The following MPHOSPH9 variants were observed in gnomAD, a reference collection of about 807,000 sequenced individuals.
The protein encoded by MPHOSPH9 is M-phase phosphoprotein 9.
A neutral mutation model predicts 145.5 loss-of-function variants in MPHOSPH9; 88 were observed. That is an observed-to-expected ratio of 0.60 (90% CI 0.51 to 0.72). The LOEUF (loss-of-function observed/expected upper bound fraction) is 0.72. Among genes scored for constraint, MPHOSPH9 ranks in the 30% least tolerant of loss-of-function variants. The pLI, the probability that MPHOSPH9 is intolerant of heterozygous loss-of-function variation, is 0.00. For synonymous variants in MPHOSPH9, 435 were observed against 486.2 expected, an observed-to-expected ratio of 0.89 and a Z score of 1.39; for missense variants, 1,238 against 1,386.6, an observed-to-expected ratio of 0.89 and a Z score of 1.70.
At chr12:123,239,000 G>A (rs1387729317) in intron 1 of MPHOSPH9, among the ~76,000 whole-genome samples, 1 of 152,212 alleles carries the variant, frequency 6.6e-6, no homozygotes, top group Non-Finnish European at 1.5e-5. Flanking sequence ...GCTGGGTGCA[G>A]TGGCTCACAC....
At chr12:123,215,124 C>T (rs891661969) in intron 6 of MPHOSPH9, among the ~76,000 whole-genome samples, 1 of 152,028 alleles carries the variant, frequency 6.6e-6, no homozygotes, top group Non-Finnish European at 1.5e-5. Flanking sequence ...TGCCTATAAT[C>T]CCAGCTACTC....
intron 13 of MPHOSPH9, among the ~76,000 whole-genome samples, chr12:123,190,318 A>G (rs977822820): frequency 6.6e-6 from 1 of 151,570 alleles, no homozygotes; most frequent in African/African-American, 2.4e-5. Flanking sequence ...ACGCCCAACT[A>G]ATTTTTTGTA....
intron 16 of MPHOSPH9, among the ~76,000 whole-genome samples, chr12:123,175,513 A>G (rs1176677879): frequency 6.6e-6 from 1 of 152,112 alleles, no homozygotes; most frequent in East Asian, 1.9e-4. Flanking sequence ...GATTTCATCT[A>G]GGGCAACTTT....
chr12:123,171,663 C>CGCTT (rs1279895114), intron 16 of MPHOSPH9, among the ~76,000 whole-genome samples: 1 of 149,344 alleles, frequency 6.7e-6, no homozygotes, highest in Non-Finnish European at 1.5e-5. Flanking sequence ...GCAGGAGAAT[C>CGCTT]GCTTGAACAT....
chr12:123,222,953 T>A (rs969915271), intron 4 of MPHOSPH9, 85 bp downstream of exon 4: 5 of 729,562 alleles, frequency 6.9e-6, no homozygotes, highest in Non-Finnish European at 1.0e-5. Flanking sequence ...TGTGTGTGTG[T>A]ATATATATAT....
rs534238881 is a variant in MPHOSPH9, at chr12:123,173,169, C to A, written c.2456+3519G>T. ...GGGATTAAAGGCGTGAGCCACCACG[C>A]CCAGCCTGCATTCACTCGAGTACCC... On this transcript the variant is annotated intron_variant, in intron 16 of 23. Transcript: ENST00000606320. 2.4e-4 allele frequency among the ~76,000 whole-genome samples: 36 copies of A among 152,278 alleles called. No homozygotes were observed. In the South Asian group the frequency reaches 7.2e-3, roughly 31 times the overall value.
chr12:123,189,354 G>A (rs916903996), intron 13 of MPHOSPH9, among the ~76,000 whole-genome samples: 2 of 152,136 alleles, frequency 1.3e-5, no homozygotes, highest in African/African-American at 4.8e-5. Context: ...CAGAGTCCAC[G>A]AACAGAATAT....
At chr12:123,195,853 G>A (rs562730025) in intron 12 of MPHOSPH9, among the ~76,000 whole-genome samples, 61 of 151,342 alleles carry the variant, frequency 4.0e-4, no homozygotes, top group Non-Finnish European at 8.1e-4. Context: ...CAGCCTGGGC[G>A]ACATAGCGTG....
chr12:123,162,386 C>A lies in MPHOSPH9; in HGVS notation c.3030-168G>T. 1 of 394,172 alleles carries A rather than the reference C, an allele frequency of 2.5e-6. No individual in the cohort carries two copies. Among genetic ancestry groups the A allele is most frequent in the Non-Finnish European group, 4.5e-6 (1 of 222,484 alleles). The allele number at this position is 394,172 out of a possible 1,614,324, so 24.4% of individuals were successfully genotyped here. A position where few individuals can be genotyped will look rare whatever the true frequency, so the allele number is the denominator to read the frequency against. On this transcript the variant is annotated intron_variant, in intron 20 of 23. Coordinates refer to ENST00000606320, the MANE Select transcript of MPHOSPH9 (RefSeq NM_022782.4). The stretch of plus-strand genomic sequence containing the variant: ...ACTGAAATTTATTTCTATTTTCTAA[C>A]AAAATTGTATTTACAAACTAAAGAC...
At chr12:123,203,717 C>T (rs2046311270) in intron 8 of MPHOSPH9, among the ~76,000 whole-genome samples, 1 of 152,114 alleles carries the variant, frequency 6.6e-6, no homozygotes, top group African/African-American at 2.4e-5. Context: ...AAGGTCTCAC[C>T]CTGTTGCCCA....
upstream of MPHOSPH9, among the ~76,000 whole-genome samples, chr12:123,237,158 T>TAA (rs71440287): frequency 6.7e-6 from 1 of 149,670 alleles, no homozygotes; most frequent in Non-Finnish European, 1.5e-5. Context: ...GTTTTCTGCT[T>TAA]AAAAAAAAAT....
rs1260903776 is a variant in MPHOSPH9 at position 123,165,089 on chromosome 12, T to C, written c.2767+213A>G. On this transcript the variant is annotated intron_variant, in intron 18 of 23. Transcript: ENST00000606320. ...TCGGAATGTAAGATTCAACTGGCTT[T>C]GTACAAAAGGTACATGTTATGCCAG... Among the ~76,000 whole-genome samples, 5 of 152,098 alleles carry C rather than the reference T, an allele frequency of 3.3e-5. No homozygotes were observed. In the East Asian group the frequency reaches 5.8e-4, roughly 18 times the overall value.
chr12:123,224,268 G>C (rs1056866365), intron 3 of MPHOSPH9, among the ~76,000 whole-genome samples: 2 of 151,408 alleles, frequency 1.3e-5, no homozygotes, highest in African/African-American at 4.9e-5. Context: ...CAAGTAGCTG[G>C]GACTACAGGC....
Position 123,214,943 on chromosome 12 carries a change from G to A in MPHOSPH9, c.997-109C>T, listed in dbSNP as rs1004484611. 9 of 887,350 alleles carry A rather than the reference G, an allele frequency of 1.0e-5. No individual in the cohort carries two copies. The Admixed American group carries it at 1.9e-4, about 19-fold the overall frequency. The allele number at this position is 887,350 out of a possible 1,614,324, so 55.0% of individuals were successfully genotyped here. On this transcript the variant is annotated intron_variant, in intron 6 of 23. Coordinates refer to ENST00000606320, the MANE Select transcript of MPHOSPH9 (RefSeq NM_022782.4). ...ACCAGGTGGGGAGAAACCTTCAGAG[G>A]GTTCAAAGAAGAAAGCCTGGCCAGG...
intron 5 of MPHOSPH9, among the ~76,000 whole-genome samples, chr12:123,219,756 T>C (rs1021056473): frequency 6.6e-6 from 1 of 152,100 alleles, no homozygotes; most frequent in African/African-American, 2.4e-5. Flanking sequence ...TTCAGGGACA[T>C]GAAACTAAAA....
In MPHOSPH9 at chr12:123,214,259, C is replaced by T. The variant is rs143293984; in HGVS notation, c.1087+485G>A. Among the ~76,000 whole-genome samples the T allele has an allele frequency of 7.8e-3, 1,180 of 152,256 alleles. 20 individuals carry two copies. The highest frequency in any genetic ancestry group is 0.026 in the African/African-American group (1,087 of 41,556). ...AAATTAAGATAAGAAAGAAAGGTGG[C>T]TGGACATGGTGGCTGAAGCCTGTAA... On this transcript the variant is annotated intron_variant, in intron 7 of 23. Transcript: ENST00000606320.
upstream of MPHOSPH9, among the ~76,000 whole-genome samples, chr12:123,236,105 G>C (rs1031659408): frequency 2.0e-5 from 3 of 151,962 alleles, no homozygotes; most frequent in East Asian, 3.9e-4. Context: ...AAAAGTTAAG[G>C]AAAAGGAGCT....
In MPHOSPH9 at chr12:123,207,385, T is replaced by C. The variant is rs924008734; in HGVS notation, c.1194+2671A>G. Reference sequence around the variant, plus strand: ...CTTCATTTCTCTGTGTTGACCTGTGTCTTTTTGTTCCTTTCATGAAGTACG... The same window carrying C: ...CTTCATTTCTCTGTGTTGACCTGTGCCTTTTTGTTCCTTTCATGAAGTACG... On this transcript the variant is annotated intron_variant, in intron 8 of 23. Transcript: ENST00000606320. Among the ~76,000 whole-genome samples, 8 of 152,104 alleles carry C rather than the reference T, an allele frequency of 5.3e-5. 1 individual carries two copies. Among genetic ancestry groups the C allele is most frequent in the Admixed American group, 3.9e-4 (6 of 15,250 alleles).
intron 6 of MPHOSPH9, 74 bp downstream of exon 6, chr12:123,218,299 GTTT>G: frequency 6.5e-7 from 1 of 1,548,788 alleles, no homozygotes; most frequent in South Asian, 1.2e-5. Context: ...GGGCACAAGA[GTTT>G]TGTTCATGAG....
Sources: gnomAD v4.1 joint callset for allele counts (sites outside exome capture counted in the v4.1 genomes callset) on GRCh38, gnomAD v4.1.1 for gene constraint, MANE v1.5 for transcripts, NCBI Gene and HGNC (gene_info 2026-07-23, HGNC 2026-07-21) for gene names.